Variants in ITCH observed in about 807,000 individuals in gnomAD.
The protein encoded by ITCH is E3 ubiquitin-protein ligase Itchy homolog.
In ITCH, 28 loss-of-function variants were observed where a neutral mutation model predicts 126.8. That is an observed-to-expected ratio of 0.22 (90% CI 0.16 to 0.30). The LOEUF is 0.30. Among genes scored for constraint, ITCH ranks in the 10% least tolerant of loss-of-function variants. ITCH has a pLI of 1.00. For missense variants in ITCH, 631 were observed against 1,032.4 expected (o/e 0.61, Z 5.33); for synonymous variants, 342 against 340.0 (o/e 1.01, Z -0.06).
rs1053797749 is a variant in ITCH at position 34,423,175 on chromosome 20, G to C, written c.476-1305G>C. On this transcript the variant is annotated intron_variant, in intron 6 of 24. Coordinates refer to ENST00000374864, the MANE Select transcript of ITCH (RefSeq NM_031483.7). ...CATAAAATATCTGTTTTTTGTGTCT[G>C]GCTTCTTTCACTTAGCATAATGTTT... Among the ~76,000 whole-genome samples the C allele has an allele frequency of 2.6e-5, 4 of 152,046 alleles. No individual in the cohort carries two copies. The South Asian group carries it at 8.3e-4, about 32-fold the overall frequency.
At chr20:34,411,598 G>C (rs1979052105) in intron 4 of ITCH, among the ~76,000 whole-genome samples, 1 of 152,190 alleles carries the variant, frequency 6.6e-6, no homozygotes. Context: ...CATTGCCGTT[G>C]AAATGGTGCT....
intron 8 of ITCH, among the ~76,000 whole-genome samples, chr20:34,438,856 CAT>C (rs904090311): frequency 3.9e-5 from 6 of 152,154 alleles, no homozygotes; most frequent in African/African-American, 1.2e-4. Flanking sequence ...ATGAAAATGA[CAT>C]GTGCGTAATA....
At chr20:34,494,879 A>G (rs1199689103) in intron 23 of ITCH, among the ~76,000 whole-genome samples, 38 of 152,014 alleles carry the variant, frequency 2.5e-4, no homozygotes, top group Non-Finnish European at 5.9e-5. Context: ...GGATCACTTG[A>G]GCCTTGGAGG....
At chr20:34,365,057 G>A (rs1329435083) in intron 1 of ITCH, among the ~76,000 whole-genome samples, 1 of 152,022 alleles carries the variant, frequency 6.6e-6, no homozygotes, top group Non-Finnish European at 1.5e-5. Flanking sequence ...AAGATTTGCC[G>A]GGTGTGGTGG....
intron 14 of ITCH, 151 bp from the exon 15 acceptor site, chr20:34,469,897 C>T (rs879740356): frequency 1.4e-6 from 1 of 711,814 alleles, no homozygotes; most frequent in South Asian, 1.5e-5. Flanking sequence ...GGAAATATCT[C>T]TCAAAAAGCA....
chr20:34,365,172 G>A (rs896532073), intron 1 of ITCH, among the ~76,000 whole-genome samples: 23 of 152,162 alleles, frequency 1.5e-4, no homozygotes, highest in Admixed American at 1.0e-3. Context: ...CTGCATTCCA[G>A]CCTGGGTGAC....
chr20:34,416,287 A>C (rs1420823972), intron 6 of ITCH, among the ~76,000 whole-genome samples: 2 of 150,838 alleles, frequency 1.3e-5, no homozygotes, highest in Non-Finnish European at 3.0e-5. Flanking sequence ...AATCCCAGCT[A>C]CTCGGGAGGC....
intron 9 of ITCH, 33 bp downstream of exon 9, chr20:34,440,377 T>G: frequency 6.8e-7 from 1 of 1,477,912 alleles, no homozygotes; most frequent in Non-Finnish European, 9.5e-7. Context: ...ATATGTTGTC[T>G]TTAGGATTCT....
intron 12 of ITCH, among the ~76,000 whole-genome samples, chr20:34,451,183 AG>A (rs1032425544): frequency 1.3e-5 from 2 of 151,844 alleles, no homozygotes; most frequent in African/African-American, 4.8e-5. Flanking sequence ...CCAGCTGCTC[AG>A]GAGGCTGAGG....
At chr20:34,399,775 A>T (rs1008316018) in intron 3 of ITCH, among the ~76,000 whole-genome samples, 1 of 152,044 alleles carries the variant, frequency 6.6e-6, no homozygotes, top group African/African-American at 2.4e-5. Flanking sequence ...TGGGAGACAG[A>T]GGTTGCAGTA....
chr20:34,471,238 TGTG>T (rs1257297023), intron 15 of ITCH, among the ~76,000 whole-genome samples: 1 of 152,208 alleles, frequency 6.6e-6, no homozygotes, highest in Non-Finnish European at 1.5e-5. Context: ...AGATCAATCT[TGTG>T]GTTCTTCTGT....
At chr20:34,454,551 G>A (rs1383473250) in intron 12 of ITCH, 1 of 152,052 alleles carries the variant, frequency 6.6e-6, no homozygotes, top group African/African-American at 2.4e-5. Context: ...TGTATATTAT[G>A]CACATTGGAA....
At chr20:34,430,294 A>G (rs1270109784) in intron 7 of ITCH, among the ~76,000 whole-genome samples, 1 of 152,202 alleles carries the variant, frequency 6.6e-6, no homozygotes, top group Non-Finnish European at 1.5e-5. Flanking sequence ...CTGAGCTCGT[A>G]ACTATCATGC....
chr20:34,499,272 CTTT>C (rs386393666), intron 23 of ITCH, among the ~76,000 whole-genome samples: 74 of 22,970 alleles, frequency 3.2e-3, no homozygotes, highest in African/African-American at 0.011. Flanking sequence ...CTGTGCCCAG[CTTT>C]TTTTTTTTTT....
chr20:34,366,339 C>T (rs1326289832), intron 1 of ITCH, among the ~76,000 whole-genome samples: 1 of 152,036 alleles, frequency 6.6e-6, no homozygotes, highest in African/African-American at 2.4e-5. Context: ...CTTCCCACCC[C>T]AGCCTCCCTG....
At chr20:34,401,279 CT>C (rs1444033579) in intron 3 of ITCH, among the ~76,000 whole-genome samples, 2 of 151,960 alleles carry the variant, frequency 1.3e-5, no homozygotes, top group Non-Finnish European at 2.9e-5. Flanking sequence ...TCTGTGTCTT[CT>C]TTTTTTCTTT....
At chr20:34,473,080 T>C (rs1394743138) in intron 16 of ITCH, among the ~76,000 whole-genome samples, 2 of 152,220 alleles carry the variant, frequency 1.3e-5, no homozygotes, top group Non-Finnish European at 2.9e-5. Context: ...TCACCCTAGA[T>C]TTGACATCCA....
At chr20:34,449,815 G>A (rs1421416312) in intron 12 of ITCH, among the ~76,000 whole-genome samples, 2 of 152,058 alleles carry the variant, frequency 1.3e-5, no homozygotes, top group Admixed American at 6.6e-5. Flanking sequence ...GCTTGATGAA[G>A]AAAGTCAGTC....
At chr20:34,412,409 G>T (rs1478195855) in intron 4 of ITCH, 106 bp from the exon 5 acceptor site, 5 of 798,352 alleles carry the variant, frequency 6.3e-6, no homozygotes, top group Non-Finnish European at 1.0e-5. Context: ...ACTGTAAGGG[G>T]TGCAGTGAGA....
Sources: allele counts gnomAD v4.1 joint callset (sites outside exome capture counted in the v4.1 genomes callset), GRCh38; gene constraint gnomAD v4.1.1; transcripts MANE v1.5; gene names NCBI Gene and HGNC (gene_info 2026-07-23, HGNC 2026-07-21).